The following THEMIS variants were observed in gnomAD, a reference collection of about 807,000 sequenced individuals.
The protein encoded by THEMIS is protein THEMIS.
In THEMIS, 37 loss-of-function variants were observed where a neutral mutation model predicts 52.6. That is an observed-to-expected ratio of 0.70 (90% confidence interval 0.54 to 0.93). The LOEUF is 0.93. THEMIS is among the 40% of genes least tolerant of loss of function. THEMIS has a pLI of 0.00. For synonymous variants in THEMIS, 292 were observed against 272.7 expected, an observed-to-expected ratio of 1.07 and a Z score of -0.70; for missense variants, 808 against 763.1, an observed-to-expected ratio of 1.06 and a Z score of -0.69.
intron 1 of THEMIS, among the ~76,000 whole-genome samples, chr6:127,857,617 A>G (rs558536897): frequency 3.3e-5 from 5 of 152,172 alleles, no homozygotes; most frequent in South Asian, 4.1e-4. Flanking sequence ...CCAAAAACAC[A>G]TTTAAGGACA....
At chr6:127,771,894 C>T (rs1776397979) in intron 4 of THEMIS, among the ~76,000 whole-genome samples, 1 of 152,062 alleles carries the variant, frequency 6.6e-6, no homozygotes, top group South Asian at 2.1e-4. Context: ...ATGTGCATCA[C>T]ACCATATACA....
chr6:127,852,916 A>G (rs1348387231), intron 2 of THEMIS, among the ~76,000 whole-genome samples: 1 of 151,600 alleles, frequency 6.6e-6, no homozygotes, highest in East Asian at 1.9e-4. Flanking sequence ...ATTGTCACTT[A>G]ATAGATGCAA....
At position 127,759,878 on chromosome 6, in the gene THEMIS, C is replaced by CCT. The variant is rs1196005016; in HGVS notation, c.1759-40057_1759-40056dup. 1.4e-4 allele frequency among the ~76,000 whole-genome samples: 16 copies of CCT among 116,504 alleles called. No homozygotes were observed. In the Admixed American group the frequency reaches 1.6e-3, roughly 12 times the overall value. The allele number at this position is 116,504 out of a possible 152,430, so 76.4% of individuals were successfully genotyped here. ...TCCCTCCTTCCTTCCTTCCTTCCTT[C>CCT]CTCTCTCTCTCTCTTTCTTTCTCTT... On this transcript the variant is annotated intron_variant, in intron 4 of 5. Transcript: ENST00000368248.
Position 127,859,245 on chromosome 6 carries a change from T to G in THEMIS, c.92-4057A>C, listed in dbSNP as rs1353461683. Among the ~76,000 whole-genome samples, 3 of 152,014 alleles carry G rather than the reference T, an allele frequency of 2.0e-5. No individual in the cohort carries two copies. In the South Asian group the frequency reaches 6.2e-4, roughly 32 times the overall value. ...ATTAACTTGTCAAAGTCCAACCAAT[T>G]CCAAAGCTTCAGCCCATATTTATCA... is the stretch of plus-strand genomic sequence containing the variant. On this transcript the variant is annotated intron_variant, in intron 1 of 5. Coordinates refer to ENST00000368248, the MANE Select transcript of THEMIS (RefSeq NM_001010923.3).
chr6:127,830,350 A>G (rs541688725), intron 2 of THEMIS, among the ~76,000 whole-genome samples: 1 of 152,134 alleles, frequency 6.6e-6, no homozygotes, highest in East Asian at 1.9e-4. Flanking sequence ...TTCTCTAGAC[A>G]CACTAAAATT....
rs563628036 is a variant in THEMIS, at chr6:127,756,035, A to C, written c.1759-36212T>G. Among the ~76,000 whole-genome samples the C allele has an allele frequency of 1.5e-3, 228 of 151,886 alleles. 1 individual carries two copies. The highest frequency in any genetic ancestry group is 0.011 in the South Asian group (53 of 4,824). On this transcript the variant is annotated intron_variant, in intron 4 of 5. Coordinates refer to ENST00000368248, the MANE Select transcript of THEMIS (RefSeq NM_001010923.3). ...GAGTGAGACTCCATCTCAAAAAAAA[A>C]CACAAAAAACAAAAAACAAAACAAA...
chr6:127,904,018 C>G (rs1310427666), upstream of THEMIS, among the ~76,000 whole-genome samples: 1 of 152,036 alleles, frequency 6.6e-6, no homozygotes, highest in Non-Finnish European at 1.5e-5. Flanking sequence ...CACTTCTTTT[C>G]CCTCAAGGCT....
At chr6:127,895,488 C>A (rs1043862504) in intron 1 of THEMIS, among the ~76,000 whole-genome samples, 9 of 151,326 alleles carry the variant, frequency 5.9e-5, no homozygotes, top group Non-Finnish European at 1.2e-4. Context: ...ACTTCAGAGA[C>A]AATCAATGGG....
intron 4 of THEMIS, among the ~76,000 whole-genome samples, chr6:127,760,571 G>A (rs1417306280): frequency 6.6e-6 from 1 of 152,072 alleles, no homozygotes; most frequent in Non-Finnish European, 1.5e-5. Context: ...GACTACTTGA[G>A]GCTAGGAGTT....
chr6:127,849,256 G>C (rs1779335105), intron 2 of THEMIS, among the ~76,000 whole-genome samples: 1 of 151,940 alleles, frequency 6.6e-6, no homozygotes, highest in Non-Finnish European at 1.5e-5. Context: ...CATTATTTCT[G>C]AAGGCTCTGT....
intron 4 of THEMIS, among the ~76,000 whole-genome samples, chr6:127,768,845 G>A (rs1776282355): frequency 6.6e-6 from 1 of 152,174 alleles, no homozygotes; most frequent in African/African-American, 2.4e-5. Flanking sequence ...TGCTTTCGAT[G>A]AACAGGCTCT....
intron 2 of THEMIS, among the ~76,000 whole-genome samples, chr6:127,850,290 CT>C (rs1779376293): frequency 6.6e-6 from 1 of 151,852 alleles, no homozygotes; most frequent in Non-Finnish European, 1.5e-5. Flanking sequence ...TTTTAGACTG[CT>C]GGTGAGAATA....
Position 127,709,024 on chromosome 6 carries a change from T to C in THEMIS, c.*961A>G, listed in dbSNP as rs1263761252. 6.6e-6 allele frequency: 1 copy of C among 152,012 alleles called. No individual in the cohort carries two copies. The highest frequency in any genetic ancestry group is 2.4e-5 in the African/African-American group (1 of 41,424). 9.4% of individuals were successfully genotyped at this position (152,012 alleles called of 1,614,324 possible). ...TCATTTTGTTAAAGGAAAAATAATA[T>C]TGTTCCTGTATACTTAATACATAAT... On this transcript the variant is annotated 3_prime_UTR_variant, in exon 6 of 6. Transcript: ENST00000368248.
intron 1 of THEMIS, among the ~76,000 whole-genome samples, chr6:127,865,443 A>G (rs1779945245): frequency 6.6e-6 from 1 of 152,092 alleles, no homozygotes; most frequent in African/African-American, 2.4e-5. Flanking sequence ...ATCATGTTTC[A>G]AGACTTTGTT....
At chr6:127,907,569 C>A (rs1177930527) in intron 1 of THEMIS, among the ~76,000 whole-genome samples, 1 of 151,642 alleles carries the variant, frequency 6.6e-6, no homozygotes, top group East Asian at 1.9e-4. Flanking sequence ...ATGAAATATG[C>A]TAATTTCCCA....
chr6:127,889,023 A>T (rs1780726555), intron 1 of THEMIS, among the ~76,000 whole-genome samples: 1 of 152,124 alleles, frequency 6.6e-6, no homozygotes. Flanking sequence ...TCAAAATCTC[A>T]GAGATTAAAC....
chr6:127,847,100 C>T (rs181810643), intron 2 of THEMIS, among the ~76,000 whole-genome samples: 2 of 151,694 alleles, frequency 1.3e-5, no homozygotes, highest in East Asian at 2.0e-4. Context: ...ATGATAGAAA[C>T]GCTCAAAAAA....
chr6:127,889,966 G>T (rs1165128185), intron 1 of THEMIS, among the ~76,000 whole-genome samples: 1 of 152,114 alleles, frequency 6.6e-6, no homozygotes, highest in African/African-American at 2.4e-5. Context: ...AAATGATAGA[G>T]TGACACGTCT....
intron 1 of THEMIS, among the ~76,000 whole-genome samples, chr6:127,890,638 C>T (rs1780776248): frequency 6.6e-6 from 1 of 151,980 alleles, no homozygotes; most frequent in African/African-American, 2.4e-5. Context: ...TGAACAGTAT[C>T]CTAATTACTC....
Sources: allele counts gnomAD v4.1 joint callset (sites outside exome capture counted in the v4.1 genomes callset), GRCh38; gene constraint gnomAD v4.1.1; transcripts MANE v1.5; gene names NCBI Gene and HGNC (gene_info 2026-07-23, HGNC 2026-07-21).